Variants in DNAH14 observed in about 807,000 individuals in gnomAD.
DNAH14 encodes axonemal beta dynein heavy chain 14.
DNAH14 carries 478 observed loss-of-function variants against 520.9 expected under a neutral mutation model. That is an observed-to-expected ratio of 0.92 (90% CI 0.85 to 0.99). DNAH14 has a LOEUF of 0.99. Ranked by LOEUF, DNAH14 falls within the 50% of genes least tolerant of loss-of-function variation. The pLI is 0.00. For synonymous variants in DNAH14, 1,581 were observed against 1,757.2 expected (o/e 0.90, Z 2.51); for missense variants, 4,831 against 5,234.5 (o/e 0.92, Z 2.38).
intron 21 of DNAH14, among the ~76,000 whole-genome samples, chr1:225,087,633 A>G: frequency 6.6e-6 from 1 of 152,220 alleles, no homozygotes; most frequent in East Asian, 1.9e-4. Context: ...TGGAGAAGGA[A>G]GATGGGGAGG....
At chr1:224,939,149 C>T (rs1301064590) in intron 1 of DNAH14, among the ~76,000 whole-genome samples, 4 of 152,126 alleles carry the variant, frequency 2.6e-5, no homozygotes. Context: ...AGAGAAATAA[C>T]AATTTTAAAA....
intron 1 of DNAH14, among the ~76,000 whole-genome samples, chr1:224,950,193 C>T (rs902399667): frequency 6.6e-6 from 1 of 151,910 alleles, no homozygotes; most frequent in Admixed American, 6.6e-5. Context: ...TCATAAGTCC[C>T]TTCGTTGTTT....
Position 225,282,003 on chromosome 1 carries a change from G to A in DNAH14, c.8271+4501G>A, listed in dbSNP as rs139516109. On this transcript the variant is annotated intron_variant, in intron 54 of 85. Coordinates refer to ENST00000682510, the MANE Select transcript of DNAH14 (RefSeq NM_001367479.1). ...ACGACGGTAACTATGTAAAGATAGT[G>A]GATATTTTAAGTAGTGTGATTGTGA... Among the ~76,000 whole-genome samples the A allele has an allele frequency of 5.8e-3, 880 of 152,064 alleles. 11 individuals carry two copies. The highest frequency in any genetic ancestry group is 0.02 in the African/African-American group (848 of 41,468).
At position 225,041,269 on chromosome 1, in the gene DNAH14, C is replaced by T. The variant is rs567568958; in HGVS notation, c.1489-1566C>T. 2.6e-5 allele frequency among the ~76,000 whole-genome samples: 4 copies of T among 152,302 alleles called. No individual in the cohort carries two copies. The South Asian group carries it at 6.2e-4, about 24-fold the overall frequency. ...TGAAAATATAGATCTGAATCTCAAGCGAGAGATAAGAGCTAAAGTTGTGGA... is the reference window on the plus strand; with the variant it reads ...TGAAAATATAGATCTGAATCTCAAGTGAGAGATAAGAGCTAAAGTTGTGGA... On this transcript the variant is annotated intron_variant, in intron 12 of 85. Coordinates refer to ENST00000682510, the MANE Select transcript of DNAH14 (RefSeq NM_001367479.1).
intron 35 of DNAH14, among the ~76,000 whole-genome samples, chr1:225,167,705 T>C (rs1232065571): frequency 1.3e-5 from 2 of 152,226 alleles, no homozygotes; most frequent in Admixed American, 6.5e-5. Context: ...GAAGGATCTA[T>C]GAATTTGCTA....
intron 67 of DNAH14, 64 bp from the exon 68 acceptor site, chr1:225,337,997 T>C (rs1262127290): frequency 1.7e-6 from 2 of 1,183,296 alleles, no homozygotes; most frequent in East Asian, 6.1e-5. Context: ...TTATTGCTGC[T>C]TTTTTTTTTC....
intron 38 of DNAH14, among the ~76,000 whole-genome samples, chr1:225,193,155 C>A (rs2085670767): frequency 6.6e-6 from 1 of 151,898 alleles, no homozygotes; most frequent in Non-Finnish European, 1.5e-5. Context: ...TAAAGGAGCA[C>A]AAAGTGAATT....
intron 5 of DNAH14, among the ~76,000 whole-genome samples, chr1:224,966,503 A>G (rs1329002143): frequency 6.6e-6 from 1 of 152,104 alleles, no homozygotes; most frequent in Non-Finnish European, 1.5e-5. Flanking sequence ...AAAGAAATAA[A>G]TTTTCCTTAA....
chr1:225,211,839 T>C (rs1447513408), intron 41 of DNAH14, among the ~76,000 whole-genome samples: 1 of 152,036 alleles, frequency 6.6e-6, no homozygotes, highest in African/African-American at 2.4e-5. Flanking sequence ...GGGCCAATAT[T>C]CAACATTCTT....
intron 10 of DNAH14, among the ~76,000 whole-genome samples, chr1:225,012,461 G>T (rs1385941523): frequency 6.6e-6 from 1 of 151,928 alleles, no homozygotes; most frequent in Admixed American, 6.6e-5. Context: ...TATCTCTGTG[G>T]TGTTCTCTGT....
intron 17 of DNAH14, among the ~76,000 whole-genome samples, chr1:225,059,243 G>C (rs1411980513): frequency 1.3e-5 from 2 of 152,152 alleles, no homozygotes; most frequent in Non-Finnish European, 2.9e-5. Context: ...AGGATAGTTA[G>C]CTCTTCTTGT....
chr1:225,275,335 C>T (rs1284079442), intron 52 of DNAH14, among the ~76,000 whole-genome samples: 1 of 152,122 alleles, frequency 6.6e-6, no homozygotes, highest in Non-Finnish European at 1.5e-5. Flanking sequence ...AGTGCTATAA[C>T]GTCAGTGCTG....
intron 44 of DNAH14, 131 bp downstream of exon 44, chr1:225,252,548 T>C (rs2092594827): frequency 1.8e-6 from 1 of 563,984 alleles, no homozygotes; most frequent in African/African-American, 1.9e-5. Context: ...TATGTTTGTG[T>C]AGAGACCAGT....
intron 43 of DNAH14, among the ~76,000 whole-genome samples, chr1:225,248,437 G>C (rs1011144325): frequency 4.6e-5 from 7 of 152,130 alleles, no homozygotes; most frequent in African/African-American, 1.7e-4. Flanking sequence ...GTGTGCTAAG[G>C]TCTTTGTTGT....
At chr1:225,306,960 A>T (rs1010301584) in intron 58 of DNAH14, among the ~76,000 whole-genome samples, 2 of 151,954 alleles carry the variant, frequency 1.3e-5, no homozygotes, top group East Asian at 3.9e-4. Flanking sequence ...AGGGTTAATT[A>T]TATGGTTTGG....
At chr1:224,983,684 A>G (rs1294660969) in intron 8 of DNAH14, among the ~76,000 whole-genome samples, 1 of 152,190 alleles carries the variant, frequency 6.6e-6, no homozygotes, top group South Asian at 2.1e-4. Context: ...AGCACTGATA[A>G]AAGTATTCAG....
chr1:225,136,180 A>G (rs1053230064), intron 27 of DNAH14, among the ~76,000 whole-genome samples: 2 of 152,082 alleles, frequency 1.3e-5, no homozygotes, highest in African/African-American at 4.8e-5. Context: ...GTTATGTGTA[A>G]ATTGTATCCT....
chr1:225,136,096 A>T, intron 27 of DNAH14, among the ~76,000 whole-genome samples: 2 of 150,844 alleles, frequency 1.3e-5, no homozygotes, highest in African/African-American at 2.4e-5. Context: ...ATGAGGCTTG[A>T]CTCTTTATCC....
intron 8 of DNAH14, among the ~76,000 whole-genome samples, chr1:224,995,608 G>A (rs980611334): frequency 7.2e-5 from 11 of 151,970 alleles, no homozygotes; most frequent in South Asian, 6.2e-4. Flanking sequence ...GTTTTTAGCC[G>A]TTATTTCTTT....
Sources: gnomAD v4.1 joint callset for allele counts (sites outside exome capture counted in the v4.1 genomes callset) on GRCh38, gnomAD v4.1.1 for gene constraint, MANE v1.5 for transcripts, NCBI Gene and HGNC (gene_info 2026-07-23, HGNC 2026-07-21) for gene names.